The following DHX34 variants were observed in gnomAD, a reference collection of about 807,000 sequenced individuals.
The protein encoded by DHX34 is probable ATP-dependent RNA helicase DHX34.
A neutral mutation model predicts 111.1 loss-of-function variants in DHX34; 96 were observed. That is an observed-to-expected ratio of 0.86 (90% CI 0.73 to 1.02). The LOEUF (loss-of-function observed/expected upper bound fraction) is 1.02, where lower values mean the gene tolerates loss of function less well. DHX34 is among the 50% of genes least tolerant of loss of function. The pLI, the probability that DHX34 is intolerant of heterozygous loss-of-function variation, is 0.00. For synonymous variants in DHX34, 688 were observed against 670.4 expected, an observed-to-expected ratio of 1.03 and a Z score of -0.41; for missense variants, 1,560 against 1,579.9, an observed-to-expected ratio of 0.99 and a Z score of 0.21.
At position 47,357,874 on chromosome 19, in the gene DHX34, C is replaced by G. The variant is rs751803740; in HGVS notation, c.1026C>G (p.Tyr342Ter). The G allele has an allele frequency of 2.5e-5, 41 of 1,612,608 alleles. No homozygotes were observed. Among genetic ancestry groups the G allele is most frequent in the Non-Finnish European group, 3.5e-5 (41 of 1,179,252 alleles). ...PGRLFPITVV[Y>*]QPQEAEPTTS... ...GGGCTGTCTCCTCTCAGGTTGTGTA[C>G]CAGCCGCAGGAGGCGGAGCCGACCA... Residue 342 changes from tyrosine to a stop codon, truncating the protein, a stop_gained, in exon 4 of 17, where the codon TAC becomes TAG. Coordinates refer to ENST00000328771, the MANE Select transcript of DHX34 (RefSeq NM_014681.6). LOFTEE classifies it high-confidence loss of function.
chr19:47,362,822 G>A, intron 6 of DHX34, 129 bp downstream of exon 6: 2 of 892,558 alleles, frequency 2.2e-6, no homozygotes, highest in South Asian at 4.3e-5. Context: ...TCAGGCTAGA[G>A]TGCAGTGCTG....
At position 47,375,613 on chromosome 19, in the gene DHX34, G is replaced by T. The variant is rs769053280; in HGVS notation, c.2212G>T (p.Val738Leu). 6.5e-7 allele frequency: 1 copy of T among 1,549,928 alleles called. No individual in the cohort carries two copies. Among genetic ancestry groups the T allele is most frequent in the Non-Finnish European group, 8.7e-7 (1 of 1,150,510 alleles). Reference sequence around the variant, plus strand: ...GGAGGGCGCGGGGCGCAGGCGCAAGGTGCTGCGGCTGCAGGAGGAGCAGGA... The same window carrying T: ...GGAGGGCGCGGGGCGCAGGCGCAAGTTGCTGCGGCTGCAGGAGGAGCAGGA... ...HEEGAGRRRK[V>L]LRLQEEQDGG... is the part of the protein sequence containing the mutation. The change falls in exon 10 of 17, where the codon GTG (valine) becomes TTG (leucine). Residue 738 changes from valine (V) to leucine (L), a missense_variant. Val to Leu is a conservative substitution (Grantham distance 32). Transcript: ENST00000328771.
chr19:47,375,204 C>T, intron 9 of DHX34: 3 of 885,806 alleles, frequency 3.4e-6, no homozygotes, highest in South Asian at 5.2e-5. Flanking sequence ...GGGCAGTCAG[C>T]AGAGCCTGGA....
chr19:47,376,244 C>T (rs1241704781), intron 11 of DHX34, 147 bp downstream of exon 11: 3 of 1,425,480 alleles, frequency 2.1e-6, no homozygotes, highest in Non-Finnish European at 2.8e-6. Context: ...ACAGACCCAT[C>T]CCCAGACAAC....
At chr19:47,378,665 C>T (rs995965978) in intron 13 of DHX34, among the ~76,000 whole-genome samples, 7 of 151,408 alleles carry the variant, frequency 4.6e-5, no homozygotes, top group African/African-American at 1.7e-4. Flanking sequence ...CTCTATCTAT[C>T]TCTACAAAAA....
At chr19:47,367,191 C>T (rs1308838252) in intron 7 of DHX34, 36 bp downstream of exon 7, 4 of 1,409,566 alleles carry the variant, frequency 2.8e-6, no homozygotes, top group Non-Finnish European at 3.7e-6. Flanking sequence ...ACTCAGGGCC[C>T]CAGGAGCGGG....
chr19:47,375,651 T>TGACGA lies in DHX34; in HGVS notation c.2252_2256dup (p.Asp753ThrfsTer21), dbSNP rs1157110680. The stretch of plus-strand genomic sequence containing the variant: ...AGGAGGAGCAGGACGGCGGCTCCAG[T>TGACGA]GACGAGGACAGGGCTGGCCCAGCCC... On this transcript the variant is annotated frameshift_variant, in exon 10 of 17. Coordinates refer to ENST00000328771, the MANE Select transcript of DHX34 (RefSeq NM_014681.6). LOFTEE classifies it high-confidence loss of function. 1 of 1,555,634 alleles carries TGACGA rather than the reference T, an allele frequency of 6.4e-7. No individual in the cohort carries two copies. The highest frequency in any genetic ancestry group is 8.7e-7 in the Non-Finnish European group (1 of 1,153,706).
Position 47,353,194 on chromosome 19 carries a change from A to C in DHX34, c.164A>C (p.Glu55Ala). The change falls in exon 2 of 17, where the codon GAG becomes GCG. Residue 55 changes from glutamate (E) to alanine (A), a missense_variant. Glu to Ala is a moderately radical substitution (Grantham distance 107, BLOSUM62 -1). Transcript: ENST00000328771. This position sits in a 1 kb window ranked among gnomAD's most constrained non-coding sequence, Gnocchi z 4.6. ...REEDYIRQGS[E>A]ECQKFWTFFE... ...GAGGATTACATCCGTCAGGGTTCTG[A>C]GGAATGTCAGAAGTTTTGGACCTTC... The C allele has an allele frequency of 6.2e-7, 1 of 1,614,134 alleles. No homozygotes were observed. The highest frequency in any genetic ancestry group is 8.5e-7 in the Non-Finnish European group (1 of 1,180,018).
Position 47,363,817 on chromosome 19 carries a change from C to CA in DHX34, c.1593+1144dup, listed in dbSNP as rs34357751. On this transcript the variant is annotated intron_variant, in intron 6 of 16. Coordinates refer to ENST00000328771, the MANE Select transcript of DHX34 (RefSeq NM_014681.6). ...TGGGCGATAGAACAAGACTCCATCT[C>CA]AAAAAAAAAAAAAAAAAAAATGTCC... is the stretch of plus-strand genomic sequence containing the variant. Among the ~76,000 whole-genome samples the CA allele has an allele frequency of 4.2e-3, 318 of 75,872 alleles. 4 individuals carry two copies. The highest frequency in any genetic ancestry group is 0.012 in the Middle Eastern group (2 of 166). 49.8% of individuals were successfully genotyped at this position (75,872 alleles called of 152,430 possible).
At position 47,367,882 on chromosome 19, in the gene DHX34, C is replaced by T. The variant is rs545438511; in HGVS notation, c.1768+727C>T. ...TTGTACTCTAGCCTGGGCGACAGAG[C>T]GAGACTCCATCTCAAAAAAAAAAAA... On this transcript the variant is annotated intron_variant, in intron 7 of 16. Transcript: ENST00000328771. Among the ~76,000 whole-genome samples the T allele has an allele frequency of 4.8e-4, 59 of 124,102 alleles. 1 individual carries two copies. The East Asian group carries it at 9.6e-3, about 20-fold the overall frequency. The allele number at this position is 124,102 out of a possible 152,430, so 81.4% of individuals were successfully genotyped here. A position where few individuals can be genotyped will look rare whatever the true frequency, so the allele number is the denominator to read the frequency against.
rs926283686 is a variant in DHX34, at chr19:47,350,230, GA to G, written c.-278+885del. Among the ~76,000 whole-genome samples the G allele has an allele frequency of 2.6e-5, 4 of 151,744 alleles. No individual in the cohort carries two copies. The East Asian group carries it at 7.8e-4, about 29-fold the overall frequency. ...TGAATACTGGAAGGACAAAAGGGAG[GA>G]AAAAAAGATTCAAACAGAAAATGAG... On this transcript the variant is annotated intron_variant, in intron 1 of 16. Transcript: ENST00000328771.
chr19:47,372,671 G>A, intron 7 of DHX34, 59 bp from the exon 8 acceptor site: 1 of 1,494,764 alleles, frequency 6.7e-7, no homozygotes, highest in South Asian at 1.3e-5. Context: ...GGCCCCGAGG[G>A]GTGAGGGCTG....
At position 47,353,446 on chromosome 19, in the gene DHX34, A is replaced by C. The variant is rs147072025; in HGVS notation, c.416A>C (p.His139Pro). The C allele has an allele frequency of 1.2e-6, 2 of 1,614,020 alleles. No individual in the cohort carries two copies. Among genetic ancestry groups the C allele is most frequent in the Admixed American group, 1.7e-5 (1 of 60,000 alleles). The change falls in exon 2 of 17, where the codon CAC becomes CCC. Residue 139 changes from histidine to proline, a missense_variant. By Grantham distance (77) the His-to-Pro change is moderately conservative. Coordinates refer to ENST00000328771, the MANE Select transcript of DHX34 (RefSeq NM_014681.6). This position sits in a 1 kb window ranked among gnomAD's most constrained non-coding sequence, Gnocchi z 4.6. The stretch of plus-strand genomic sequence containing the variant: ...GCTGAGTTCCGCCGAGCCCTGTTGC[A>C]CTACCTGGACTTTGGCCAGAAGCAG... Reference protein sequence around the residue: ...RVAEFRRALLHYLDFGQKQAF... With the variant: ...RVAEFRRALLPYLDFGQKQAF...
intron 7 of DHX34, among the ~76,000 whole-genome samples, chr19:47,371,640 C>T (rs1969968816): frequency 6.6e-6 from 1 of 152,174 alleles, no homozygotes; most frequent in South Asian, 2.1e-4. Context: ...GCTCTGTTCA[C>T]TCAGGCTAGA....
In DHX34 at chr19:47,381,213, C is replaced by T; in HGVS notation, c.3187C>T (p.Leu1063Phe). The change falls in exon 16 of 17, where the codon CTC (leucine) becomes TTC (phenylalanine). Residue 1063 changes from leucine (L) to phenylalanine (F), a missense_variant. Transcript: ENST00000328771. ...TGACACAGACCTGTACAGCGACTGT[C>T]TCCGAACCTTCTGGACCTGCCCCCA... is the stretch of plus-strand genomic sequence containing the variant. ...TNDTDLYSDC[L>F]RTFWTCPHCG... 1.9e-6 allele frequency: 3 copies of T among 1,614,072 alleles called. No individual in the cohort carries two copies. The highest frequency in any genetic ancestry group is 2.5e-6 in the Non-Finnish European group (3 of 1,179,926).
chr19:47,376,823 G>T, intron 12 of DHX34: 1 of 1,526,874 alleles, frequency 6.5e-7, no homozygotes, highest in Non-Finnish European at 8.8e-7. Context: ...CGGTCAGGGG[G>T]CCTGTCCTAT....
At chr19:47,368,354 T>A (rs1386250723) in intron 7 of DHX34, among the ~76,000 whole-genome samples, 2 of 130,152 alleles carry the variant, frequency 1.5e-5, no homozygotes, top group Non-Finnish European at 3.1e-5. Flanking sequence ...TTGCCCAGGC[T>A]GGAGTGCAAT....
intron 13 of DHX34, among the ~76,000 whole-genome samples, chr19:47,378,573 G>C (rs1970244133): frequency 6.6e-6 from 1 of 152,166 alleles, no homozygotes; most frequent in Admixed American, 6.5e-5. Context: ...CTCACACCTG[G>C]AATCCCAGCA....
Position 47,375,603 on chromosome 19 carries a change from C to CA in DHX34, c.2203dup (p.Arg735LysfsTer17). 6.5e-7 allele frequency: 1 copy of CA among 1,547,728 alleles called. No homozygotes were observed. Among genetic ancestry groups the CA allele is most frequent in the South Asian group, 1.2e-5 (1 of 84,944 alleles). On this transcript the variant is annotated frameshift_variant, in exon 10 of 17. Transcript: ENST00000328771. LOFTEE classifies it high-confidence loss of function. ...GCCAGCACGAGGAGGGCGCGGGGCG[C>CA]AGGCGCAAGGTGCTGCGGCTGCAGG...
Sources: allele counts gnomAD v4.1 joint callset (sites outside exome capture counted in the v4.1 genomes callset), GRCh38; gene constraint gnomAD v4.1.1; non-coding constraint Gnocchi (gnomAD v3.1); transcripts MANE v1.5; gene names NCBI Gene and HGNC (gene_info 2026-07-23, HGNC 2026-07-21).